The following FRMPD3 variants were observed in gnomAD, a reference collection of about 807,000 sequenced individuals.
The protein encoded by FRMPD3 is FERM and PDZ domain containing 3.
In FRMPD3, 42 loss-of-function variants were observed where a neutral mutation model predicts 97.9. The ratio of observed to expected loss-of-function variants is 0.43; its 90% CI spans 0.34 to 0.55. The LOEUF (loss-of-function observed/expected upper bound fraction) is 0.55, where lower values mean the gene tolerates loss of function less well. Among genes scored for constraint, FRMPD3 ranks in the 20% least tolerant of loss-of-function variants. The probability of loss-of-function intolerance (pLI) is 0.03; values close to 1 mark genes in which losing one functional copy is unlikely to be tolerated. For synonymous variants in FRMPD3, 577 were observed against 581.1 expected (o/e 0.99, Z 0.10); for missense variants, 1,303 against 1,457.7 (o/e 0.89, Z 1.73).
In FRMPD3 at chrX:107,597,985, C is replaced by T. The variant is rs771952192; in HGVS notation, c.2106C>T (p.Tyr702=). ...GACGCCACCTGCGTGGGCTTCTGTA[C>T]GATGAGATTCCAGTGACATTGATTG... is the stretch of plus-strand genomic sequence containing the variant. ...EQGRHLRGLL[Y]DEIPVTLIDS... is the part of the protein sequence containing the mutation. The change falls in exon 14 of 15, where the codon TAC becomes TAT. Residue 702 remains tyrosine (Y), a synonymous_variant. Coordinates refer to ENST00000683843, the MANE Select transcript of FRMPD3 (RefSeq NM_001388459.1). 17 of 1,208,651 alleles carry T rather than the reference C, an allele frequency of 1.4e-5. No homozygotes were observed. Among genetic ancestry groups the T allele is most frequent in the South Asian group, 1.2e-4 (7 of 56,763 alleles).
chrX:107,560,163 C>A, intron 8 of FRMPD3, 94 bp from the exon 9 acceptor site: 1 of 1,033,150 alleles, frequency 9.7e-7, no homozygotes, highest in Non-Finnish European at 1.3e-6. Flanking sequence ...CTTACTGATA[C>A]TATGAGTATT....
Position 107,560,090 on chromosome X carries a change from G to C in FRMPD3, c.763-167G>C, listed in dbSNP as rs774188248. Among the ~76,000 whole-genome samples the C allele has an allele frequency of 8.7e-5, 9 of 103,705 alleles. No homozygotes were observed. The East Asian group carries it at 2.7e-3, about 31-fold the overall frequency. 90.1% of individuals were successfully genotyped at this position (103,705 alleles called of 115,157 possible). On this transcript the variant is annotated intron_variant, in intron 8 of 14. Coordinates refer to ENST00000683843, the MANE Select transcript of FRMPD3 (RefSeq NM_001388459.1). ...AAAGTGAACAGTGTCTATGAGACCT[G>C]AGCCTCCTCTGTTGTCTCTTCTCCA...
At chrX:107,533,254 G>A (rs941899847) in intron 3 of FRMPD3, among the ~76,000 whole-genome samples, 10 of 111,804 alleles carry the variant, frequency 8.9e-5, no homozygotes, top group Non-Finnish European at 1.7e-4. Flanking sequence ...ATGAAAAGAA[G>A]ACCTAAAAAA....
At chrX:107,501,129 G>A (rs993850418) in intron 1 of FRMPD3, among the ~76,000 whole-genome samples, 5 of 109,745 alleles carry the variant, frequency 4.6e-5, no homozygotes, top group African/African-American at 1.3e-4. Context: ...AGAGAGATGT[G>A]TTTCTTTCTT....
intron 1 of FRMPD3, among the ~76,000 whole-genome samples, chrX:107,452,643 T>A (rs1445807567): frequency 9.0e-6 from 1 of 111,606 alleles, no homozygotes; most frequent in Admixed American, 9.4e-5. Flanking sequence ...ATGGCTTCTT[T>A]GGATAGTGCA....
At chrX:107,531,710 T>TACCCTCC (rs773075711) in intron 3 of FRMPD3, among the ~76,000 whole-genome samples, 147 of 111,556 alleles carry the variant, frequency 1.3e-3, no homozygotes, top group African/African-American at 4.6e-3. Context: ...TGCATTTCCC[T>TACCCTCC]ACCCTCCACC....
At position 107,560,791 on chromosome X, in the gene FRMPD3, C is replaced by T. The variant is rs755697552; in HGVS notation, c.964C>T (p.Leu322Phe). ...SLLQVIKEKN[L>F]RKSLSQQLKA... ...CCTGCAGGTCATCAAAGAGAAGAAC[C>T]TCCGGAAATCTCTCTCTCAGCAACT... The change falls in exon 10 of 15, where the codon CTC becomes TTC. Residue 322 changes from leucine (L) to phenylalanine (F), a missense_variant. Leu to Phe is a conservative substitution (Grantham distance 22). This residue lies in a region of FRMPD3 where 535 missense variants were observed against 618.6 expected (regional missense o/e 0.86). Transcript: ENST00000683843. 1 of 1,183,251 alleles carries T rather than the reference C, an allele frequency of 8.5e-7. No homozygotes were observed. Among genetic ancestry groups the T allele is most frequent in the Admixed American group, 2.3e-5 (1 of 42,592 alleles).
chrX:107,524,745 C>T (rs1161882724), intron 1 of FRMPD3, among the ~76,000 whole-genome samples: 1 of 111,457 alleles, frequency 9.0e-6, no homozygotes, highest in Admixed American at 9.4e-5. Context: ...GTAATCCCAG[C>T]ACTTTGGGAG....
At position 107,603,220 on chromosome X, in the gene FRMPD3, GCAA is replaced by G. The variant is rs1569432816; in HGVS notation, c.5190_5192del (p.Gln1743del). 46 of 1,169,109 alleles carry G rather than the reference GCAA, an allele frequency of 3.9e-5. No homozygotes were observed. Among genetic ancestry groups the G allele is most frequent in the Admixed American group, 5.1e-5 (2 of 38,936 alleles). On this transcript the variant is annotated inframe_deletion, in exon 15 of 15. Coordinates refer to ENST00000683843, the MANE Select transcript of FRMPD3 (RefSeq NM_001388459.1). ...AGCAGCAACAACAACAGCAGCAGCA[GCAA>G]CAACAACAGCAGCAGCAACAACAAC...
At chrX:107,471,690 C>T (rs779995390) in intron 1 of FRMPD3, among the ~76,000 whole-genome samples, 6 of 111,985 alleles carry the variant, frequency 5.4e-5, no homozygotes, top group South Asian at 3.8e-4. Flanking sequence ...TTTCTTTATC[C>T]GGTCTATCAT....
intron 4 of FRMPD3, 101 bp downstream of exon 4, chrX:107,533,651 A>AACCCC: frequency 1.4e-6 from 1 of 720,160 alleles, no homozygotes; most frequent in Non-Finnish European, 2.1e-6. Context: ...TTCAGAGACT[A>AACCCC]CAACCAACAT....
At chrX:107,584,039 G>T (rs973396979) in intron 13 of FRMPD3, among the ~76,000 whole-genome samples, 1 of 109,155 alleles carries the variant, frequency 9.2e-6, no homozygotes, top group Non-Finnish European at 1.9e-5. Context: ...GCTAATTTTT[G>T]TATTTTTAGT....
intron 1 of FRMPD3, among the ~76,000 whole-genome samples, chrX:107,497,687 T>C (rs186243304): frequency 8.9e-6 from 1 of 112,527 alleles, no homozygotes; most frequent in East Asian, 2.8e-4. Flanking sequence ...GGTTAATTAC[T>C]ACAGTGTCTC....
intron 1 of FRMPD3, among the ~76,000 whole-genome samples, chrX:107,499,505 C>T (rs1018239112): frequency 2.7e-5 from 3 of 111,981 alleles, no homozygotes; most frequent in African/African-American, 6.5e-5. Flanking sequence ...AATAGTGACT[C>T]ATCATGGGAG....
At chrX:107,504,949 G>T (rs1921995188) in intron 1 of FRMPD3, among the ~76,000 whole-genome samples, 1 of 112,135 alleles carries the variant, frequency 8.9e-6, no homozygotes, top group African/African-American at 3.2e-5. Flanking sequence ...GAGGTTTAAG[G>T]CCAAGTCATC....
At chrX:107,578,504 G>C (rs781131124) in intron 13 of FRMPD3, among the ~76,000 whole-genome samples, 1 of 111,315 alleles carries the variant, frequency 9.0e-6, no homozygotes, top group East Asian at 2.8e-4. Context: ...CCACCTTCCT[G>C]ACTTCTGAGA....
intron 1 of FRMPD3, among the ~76,000 whole-genome samples, chrX:107,487,151 G>A (rs964243865): frequency 1.8e-5 from 2 of 110,774 alleles, no homozygotes; most frequent in African/African-American, 3.3e-5. Context: ...TTTCTTGGGA[G>A]GCTGAGGCAG....
chrX:107,594,388 A>G (rs1183574850), intron 13 of FRMPD3, among the ~76,000 whole-genome samples: 1 of 111,910 alleles, frequency 8.9e-6, no homozygotes, highest in African/African-American at 3.2e-5. Flanking sequence ...TCTTTTAGTT[A>G]TTTTTAAAAG....
intron 1 of FRMPD3, among the ~76,000 whole-genome samples, chrX:107,485,040 C>T (rs1201862999): frequency 1.8e-5 from 2 of 112,379 alleles, no homozygotes; most frequent in Non-Finnish European, 3.8e-5. Context: ...GGAAGGGAAC[C>T]CCAGATTCTG....
Sources: gnomAD v4.1 joint callset for allele counts (sites outside exome capture counted in the v4.1 genomes callset) on GRCh38, gnomAD v4.1.1 for gene constraint, gnomAD v4.1.1 regional missense constraint, MANE v1.5 for transcripts, NCBI Gene and HGNC (gene_info 2026-07-23, HGNC 2026-07-21) for gene names.